CACNA1B: variants seen among roughly 807,000 people sequenced by gnomAD.
CACNA1B encodes the protein voltage-dependent N-type calcium channel subunit alpha-1B.
CACNA1B carries 70 observed loss-of-function variants against 247.2 expected under a neutral mutation model. That is an observed-to-expected ratio of 0.28 (90% CI 0.23 to 0.35). The LOEUF (loss-of-function observed/expected upper bound fraction) is 0.35, where lower values mean the gene tolerates loss of function less well. CACNA1B is among the 10% of genes least tolerant of loss of function. The pLI, the probability that CACNA1B is intolerant of heterozygous loss-of-function variation, is 1.00. For synonymous variants in CACNA1B, 1,231 were observed against 1,294.4 expected (o/e 0.95, Z 1.05); for missense variants, 2,367 against 3,197.4 (o/e 0.74, Z 6.26).
At chr9:137,898,413 C>A (rs1172761175) in intron 3 of CACNA1B, among the ~76,000 whole-genome samples, 1 of 152,106 alleles carries the variant, frequency 6.6e-6, no homozygotes, top group Non-Finnish European at 1.5e-5. Flanking sequence ...TCAGTCCTGC[C>A]TTCATTCTCC....
Position 137,888,907 on chromosome 9 carries a change from G to A in CACNA1B, c.530+6024G>A, listed in dbSNP as rs1166056022. ...GGGCAAGGAGGGTCCACCCAGGGGA[G>A]CAGCAGCCCATGTGCAAGTGTGCGG... On this transcript the variant is annotated intron_variant, in intron 3 of 46. Transcript: ENST00000371372. This position sits in a 1 kb window ranked among gnomAD's most constrained non-coding sequence, Gnocchi z 4.7. Among the ~76,000 whole-genome samples the A allele has an allele frequency of 6.6e-6, 1 of 151,782 alleles. No individual in the cohort carries two copies. Among genetic ancestry groups the A allele is most frequent in the Non-Finnish European group, 1.5e-5 (1 of 67,758 alleles).
chr9:137,882,698 C>T lies in CACNA1B; in HGVS notation c.391-46C>T. On this transcript the variant is annotated intron_variant, in intron 2 of 46. Coordinates refer to ENST00000371372, the MANE Select transcript of CACNA1B (RefSeq NM_000718.4). This position sits in a 1 kb window ranked among gnomAD's most constrained non-coding sequence, Gnocchi z 4.0. ...CACCAACCGTCTCTGCCCGCTACTA[C>T]ACCGGGTAGGGGCCAGGGGTGACCA... The T allele has an allele frequency of 4.3e-6, 7 of 1,611,198 alleles. No homozygotes were observed. Among genetic ancestry groups the T allele is most frequent in the Non-Finnish European group, 5.9e-6 (7 of 1,177,758 alleles).
intron 3 of CACNA1B, chr9:137,890,656 A>C (rs1957085300): frequency 6.6e-6 from 1 of 150,422 alleles, no homozygotes; most frequent in South Asian, 2.1e-4. Flanking sequence ...AGGTGTGCAG[A>C]GTCCCCCTTA....
intron 31 of CACNA1B, among the ~76,000 whole-genome samples, chr9:138,064,087 C>T (rs769275228): frequency 8.5e-5 from 13 of 152,154 alleles, no homozygotes; most frequent in Non-Finnish European, 1.2e-4. Context: ...CTGGCCCCTG[C>T]GCACACTCTG....
rs553144407 is a variant in CACNA1B at position 138,050,720 on chromosome 9, A to G, written c.3711-1372A>G. Among the ~76,000 whole-genome samples, 4 of 152,086 alleles carry G rather than the reference A, an allele frequency of 2.6e-5. No individual in the cohort carries two copies. Among genetic ancestry groups the G allele is most frequent in the Non-Finnish European group, 5.9e-5 (4 of 68,020 alleles). ...AGAAAGCCTCATTTACTGGGTGACA[A>G]AACAGTATCCCCTCCCTCCTGCTCC... On this transcript the variant is annotated intron_variant, in intron 24 of 46. Coordinates refer to ENST00000371372, the MANE Select transcript of CACNA1B (RefSeq NM_000718.4). The surrounding 1 kb of genome is among the most constrained non-coding windows in gnomAD (Gnocchi z 5.2).
chr9:138,013,286 T>A, intron 18 of CACNA1B, 51 bp downstream of exon 18: 1 of 1,396,656 alleles, frequency 7.2e-7, no homozygotes, highest in African/African-American at 1.5e-5. Flanking sequence ...TGCTGCAGGG[T>A]CCCATGGCTG....
In CACNA1B at chr9:138,082,019, A is replaced by G. The variant is rs532626688; in HGVS notation, c.5094+3761A>G. Among the ~76,000 whole-genome samples the G allele has an allele frequency of 2.6e-5, 4 of 151,262 alleles. No homozygotes were observed. In the South Asian group the frequency reaches 8.3e-4, roughly 31 times the overall value. On this transcript the variant is annotated intron_variant, in intron 36 of 46. Transcript: ENST00000371372. ...AAGATTAACATAAAATTAAATAACT[A>G]AATGTAAGAGCTATAACTATAAAGC...
At chr9:138,065,827 G>T (rs548222657) in intron 31 of CACNA1B, among the ~76,000 whole-genome samples, 2 of 152,122 alleles carry the variant, frequency 1.3e-5, no homozygotes, top group Admixed American at 1.3e-4. Context: ...GATATCTTGC[G>T]GTATCGTTAT....
chr9:138,111,938 CTTT>C (rs11326781), intron 39 of CACNA1B, among the ~76,000 whole-genome samples: 4 of 146,750 alleles, frequency 2.7e-5, no homozygotes, highest in Non-Finnish European at 3.0e-5. Flanking sequence ...CTCCGGTACA[CTTT>C]TTTTTTTTTT....
intron 3 of CACNA1B, among the ~76,000 whole-genome samples, chr9:137,912,354 C>G (rs890622724): frequency 6.6e-6 from 1 of 152,154 alleles, no homozygotes; most frequent in Admixed American, 6.5e-5. Context: ...GAGAGTTGGC[C>G]TAAGGCAAGA....
intron 23 of CACNA1B, 65 bp downstream of exon 23, chr9:138,047,523 G>T (rs1959194487): frequency 3.5e-6 from 4 of 1,155,184 alleles, no homozygotes; most frequent in South Asian, 1.2e-5. Flanking sequence ...ATTGAGATGG[G>T]ACCAGGGCAG....
chr9:138,006,709 C>A, intron 15 of CACNA1B, 58 bp from the exon 16 acceptor site: 1 of 915,722 alleles, frequency 1.1e-6, no homozygotes, highest in African/African-American at 1.6e-5. Context: ...GGTGGGGGTG[C>A]GTGTGTGTGG....
chr9:138,033,670 T>C (rs1959010394), intron 20 of CACNA1B, among the ~76,000 whole-genome samples: 1 of 152,210 alleles, frequency 6.6e-6, no homozygotes. Flanking sequence ...TGAGGAGGCC[T>C]CAGGAAACTT....
chr9:138,025,140 C>T lies in CACNA1B; in HGVS notation c.3254C>T (p.Thr1085Met), dbSNP rs200291907. ...NTIVHIPVML[T>M]GPLGEATVVP... ...ATTGTACATATCCCAGTGATGCTGA[C>T]GGGCCCTCTTGGGGAAGCCACGGTC... The change falls in exon 20 of 47, where the codon ACG (threonine) becomes ATG (methionine). Residue 1085 changes from threonine (T) to methionine (M), a missense_variant. Physicochemically the swap from Thr to Met is moderately conservative, Grantham distance 81. This residue lies in a region of CACNA1B where 631 missense variants were observed against 631.1 expected (regional missense o/e 1.00). Transcript: ENST00000371372. 2.4e-5 allele frequency: 38 copies of T among 1,612,396 alleles called. No individual in the cohort carries two copies. The highest frequency in any genetic ancestry group is 1.0e-4 in the Admixed American group (6 of 59,876).
Position 138,057,253 on chromosome 9 carries a change from A to G in CACNA1B, c.3969-479A>G, listed in dbSNP as rs1292600089. Among the ~76,000 whole-genome samples, 1 of 152,090 alleles carries G rather than the reference A, an allele frequency of 6.6e-6. No homozygotes were observed. The highest frequency in any genetic ancestry group is 6.5e-5 in the Admixed American group (1 of 15,272). On this transcript the variant is annotated intron_variant, in intron 26 of 46. Transcript: ENST00000371372. This position sits in a 1 kb window ranked among gnomAD's most constrained non-coding sequence, Gnocchi z 4.0. ...CGCCCGGCCTTTTTTATTTATTAGA[A>G]TAGTTATTTACATATTCTAAATACA... is the stretch of plus-strand genomic sequence containing the variant.
chr9:137,955,985 C>T lies in CACNA1B; in HGVS notation c.1186+172C>T, dbSNP rs1410875011. ...CTCTAGCTCACCCAGGGGCCTGGCACCAGGCAGCCATATGGCTCTGAGGAC... is the reference window on the plus strand; with the variant it reads ...CTCTAGCTCACCCAGGGGCCTGGCATCAGGCAGCCATATGGCTCTGAGGAC... On this transcript the variant is annotated intron_variant, in intron 8 of 46. Coordinates refer to ENST00000371372, the MANE Select transcript of CACNA1B (RefSeq NM_000718.4). The surrounding 1 kb of genome is among the most constrained non-coding windows in gnomAD (Gnocchi z 6.9). Among the ~76,000 whole-genome samples, 1 of 152,186 alleles carries T rather than the reference C, an allele frequency of 6.6e-6. No homozygotes were observed. The highest frequency in any genetic ancestry group is 1.9e-4 in the East Asian group (1 of 5,196).
intron 6 of CACNA1B, among the ~76,000 whole-genome samples, chr9:137,936,864 G>C (rs1957674696): frequency 6.6e-6 from 1 of 152,232 alleles, no homozygotes; most frequent in Non-Finnish European, 1.5e-5. Flanking sequence ...CCAGTACCAT[G>C]CTGTTTTGGT....
chr9:138,067,499 G>A (rs1959960893), intron 31 of CACNA1B, among the ~76,000 whole-genome samples: 1 of 152,210 alleles, frequency 6.6e-6, no homozygotes, highest in Non-Finnish European at 1.5e-5. Context: ...TCAGAAGTTC[G>A]AGACGAGTGG....
At chr9:137,991,995 A>G (rs990940103) in intron 15 of CACNA1B, among the ~76,000 whole-genome samples, 8 of 152,242 alleles carry the variant, frequency 5.3e-5, no homozygotes, top group Non-Finnish European at 8.8e-5. Context: ...TCCTTAAGAC[A>G]CAAATCCAAC....
Sources: allele counts gnomAD v4.1 joint callset (sites outside exome capture counted in the v4.1 genomes callset), GRCh38; gene constraint gnomAD v4.1.1; regional missense constraint gnomAD v4.1.1; non-coding constraint Gnocchi (gnomAD v3.1); transcripts MANE v1.5; gene names NCBI Gene and HGNC (gene_info 2026-07-23, HGNC 2026-07-21).